Variants in PLXNB2 observed in about 807,000 individuals in gnomAD.
PLXNB2 encodes the protein plexin B2.
In PLXNB2, 85 loss-of-function variants were observed where a neutral mutation model predicts 202.6. That is an observed-to-expected ratio of 0.42 (90% confidence interval 0.35 to 0.50). The LOEUF (loss-of-function observed/expected upper bound fraction) is 0.50, where lower values mean the gene tolerates loss of function less well. PLXNB2 is among the 20% of genes least tolerant of loss of function. The pLI is 0.02. For synonymous variants in PLXNB2, 1,239 were observed against 1,137.6 expected, an observed-to-expected ratio of 1.09 and a Z score of -1.79; for missense variants, 2,063 against 2,586.2, an observed-to-expected ratio of 0.80 and a Z score of 4.39.
intron 2 of PLXNB2, among the ~76,000 whole-genome samples, chr22:50,292,337 CAAAAA>C (rs533891085): frequency 9.9e-5 from 7 of 71,018 alleles, no homozygotes; most frequent in South Asian, 5.1e-4. Flanking sequence ...GACTCTGTCT[CAAAAA>C]AAAAAAAAAA....
In PLXNB2 at chr22:50,293,512, C is replaced by T. The variant is rs932492458; in HGVS notation, c.-14+1207G>A. ...GCTGCCCTCCCCTCCCAGCCCCGCT[C>T]ACCCGGCCCAGCTCGCTCACCCGGC... On this transcript the variant is annotated intron_variant, in intron 2 of 36. Transcript: ENST00000359337. Among the ~76,000 whole-genome samples the T allele has an allele frequency of 1.2e-4, 19 of 152,200 alleles. No homozygotes were observed. In the East Asian group the frequency reaches 3.3e-3, roughly 26 times the overall value.
chr22:50,275,673 T>TGA lies in PLXNB2; in HGVS notation c.*30_*31insTC. 1 of 1,458,656 alleles carries TGA rather than the reference T, an allele frequency of 6.9e-7. No homozygotes were observed. The highest frequency in any genetic ancestry group is 9.4e-7 in the Non-Finnish European group (1 of 1,059,268). The allele number at this position is 1,458,656 out of a possible 1,614,324, so 90.4% of individuals were successfully genotyped here. On this transcript the variant is annotated 3_prime_UTR_variant, in exon 37 of 37. Coordinates refer to ENST00000359337, the MANE Select transcript of PLXNB2 (RefSeq NM_012401.4). The stretch of plus-strand genomic sequence containing the variant: ...GGGGCTCTCAGGTACCTCAGGTACC[T>TGA]ATGTCCCAAGGCAGCACTGGAGATT...
intron 2 of PLXNB2, among the ~76,000 whole-genome samples, chr22:50,290,905 G>A (rs1313897952): frequency 6.6e-6 from 1 of 152,176 alleles, no homozygotes; most frequent in Non-Finnish European, 1.5e-5. Flanking sequence ...CCCGAGGCAA[G>A]GAGTTGACGC....
rs1196331225 is a variant in PLXNB2 at position 50,284,942 on chromosome 22, T to A, written c.2089-277A>T. On this transcript the variant is annotated intron_variant, in intron 11 of 36. Transcript: ENST00000359337. The surrounding 1 kb of genome is among the most constrained non-coding windows in gnomAD (Gnocchi z 8.0). Reference sequence around the variant, plus strand: ...AGAACATCGCCCGGCCCACCTGACATCGTGGCCCCCACAGCTCCCTCCTCA... The same window carrying A: ...AGAACATCGCCCGGCCCACCTGACAACGTGGCCCCCACAGCTCCCTCCTCA... 1 of 569,428 alleles carries A rather than the reference T, an allele frequency of 1.8e-6. No individual in the cohort carries two copies. Among genetic ancestry groups the A allele is most frequent in the Non-Finnish European group, 3.4e-6 (1 of 291,708 alleles). The allele number at this position is 569,428 out of a possible 1,614,324, so 35.3% of individuals were successfully genotyped here. A position where few individuals can be genotyped will look rare whatever the true frequency, so the allele number is the denominator to read the frequency against.
chr22:50,280,714 G>GGCCGCC, intron 24 of PLXNB2, 30 bp downstream of exon 24: 1 of 1,528,944 alleles, frequency 6.5e-7, no homozygotes, highest in Non-Finnish European at 8.9e-7. Context: ...CCACCTGTGT[G>GGCCGCC]CCCTCCCGCC....
chr22:50,306,713 AC>A (rs2067896588), intron 1 of PLXNB2, among the ~76,000 whole-genome samples: 1 of 150,448 alleles, frequency 6.6e-6, no homozygotes, highest in Non-Finnish European at 1.5e-5. Context: ...CCTCACCCTC[AC>A]CCTCACCCTC....
At chr22:50,306,301 G>A (rs1265149361) in intron 1 of PLXNB2, among the ~76,000 whole-genome samples, 1 of 152,214 alleles carries the variant, frequency 6.6e-6, no homozygotes, top group Non-Finnish European at 1.5e-5. Flanking sequence ...AGGCCCACCT[G>A]CTTGCTTCTC....
intron 1 of PLXNB2, among the ~76,000 whole-genome samples, chr22:50,303,546 G>A (rs1247144895): frequency 1.3e-5 from 2 of 152,234 alleles, no homozygotes; most frequent in Admixed American, 6.5e-5. Context: ...AGGAGCAGAC[G>A]CCCTTGCCTG....
chr22:50,299,300 T>TGGGGGG (rs1168668072), intron 1 of PLXNB2, among the ~76,000 whole-genome samples: 3 of 64,492 alleles, frequency 4.7e-5, no homozygotes, highest in Admixed American at 1.8e-4. Context: ...CTGCGTGGGG[T>TGGGGGG]GGGGGGGGGG....
rs1315426650 is a variant in PLXNB2, at chr22:50,288,059, T to C, written c.1381-22A>G. 1 of 1,537,658 alleles carries C rather than the reference T, an allele frequency of 6.5e-7. No individual in the cohort carries two copies. Among genetic ancestry groups the C allele is most frequent in the Non-Finnish European group, 8.8e-7 (1 of 1,136,390 alleles). On this transcript the variant is annotated intron_variant, in intron 5 of 36. Transcript: ENST00000359337. The surrounding 1 kb of genome is among the most constrained non-coding windows in gnomAD (Gnocchi z 5.0). ...ACACCTAGGGCAGCGGGGCCGTGAG[T>C]GGGACCACAGCAGAGGCCGCACGGG... is the stretch of plus-strand genomic sequence containing the variant.
chr22:50,284,113 C>G lies in PLXNB2; in HGVS notation c.2263+19G>C. Reference sequence around the variant, plus strand: ...CCACCCGTCCCCTGCCCGCCCCCCACTGCGCCCGTGGCCCCCACCATGGAG... The same window carrying G: ...CCACCCGTCCCCTGCCCGCCCCCCAGTGCGCCCGTGGCCCCCACCATGGAG... On this transcript the variant is annotated intron_variant, in intron 13 of 36. Transcript: ENST00000359337. The surrounding 1 kb of genome is among the most constrained non-coding windows in gnomAD (Gnocchi z 8.0). 1.9e-6 allele frequency: 3 copies of G among 1,608,130 alleles called. No homozygotes were observed. The highest frequency in any genetic ancestry group is 2.5e-6 in the Non-Finnish European group (3 of 1,178,548).
In PLXNB2 at chr22:50,281,407, G is replaced by T; in HGVS notation, c.3615C>A (p.Val1205=). 1 of 1,612,464 alleles carries T rather than the reference G, an allele frequency of 6.2e-7. No individual in the cohort carries two copies. The highest frequency in any genetic ancestry group is 1.3e-5 in the African/African-American group (1 of 75,050). ...DVPLSLILPL[V]IVPMVVVIAV... ...CGATGACGACCACCATGGGCACGAT[G>T]ACCAGCGGCAAGATGAGGCTGAGCG... Residue 1205 remains valine (V), a synonymous_variant, in exon 22 of 37, where the codon GTC becomes GTA. Coordinates refer to ENST00000359337, the MANE Select transcript of PLXNB2 (RefSeq NM_012401.4).
At position 50,281,135 on chromosome 22, in the gene PLXNB2, C is replaced by T; in HGVS notation, c.3717G>A (p.Glu1239=). 1 of 1,613,360 alleles carries T rather than the reference C, an allele frequency of 6.2e-7. No individual in the cohort carries two copies. Among genetic ancestry groups the T allele is most frequent in the Non-Finnish European group, 8.5e-7 (1 of 1,179,930 alleles). ...REYEKIKSQL[E]GLEESVRDRC... is the part of the protein sequence containing the mutation. ...GGTCCCGCACGCTCTCCTCCAGGCC[C>T]TCCAGCTGGGACTTGATCTTCTCAT... The change falls in exon 23 of 37, where the codon GAG becomes GAA. Residue 1239 remains glutamate (E), a synonymous_variant. Coordinates refer to ENST00000359337, the MANE Select transcript of PLXNB2 (RefSeq NM_012401.4).
At chr22:50,280,707 C>T (rs1257089375) in intron 24 of PLXNB2, 37 bp from the exon 25 acceptor site, 27 of 1,581,082 alleles carry the variant, frequency 1.7e-5, no homozygotes, top group Non-Finnish European at 2.2e-5. Context: ...CCCGGCGCCA[C>T]CTGTGTGCCC....
At position 50,297,140 on chromosome 22, in the gene PLXNB2, G is replaced by T. The variant is rs1465665572; in HGVS notation, c.-73-2362C>A. On this transcript the variant is annotated intron_variant, in intron 1 of 36. Transcript: ENST00000359337. The surrounding 1 kb of genome is among the most constrained non-coding windows in gnomAD (Gnocchi z 5.3). ...GGACCCGCGGGGACTGGAGACTGCA[G>T]CTCCCGACGGAGGTGGCAGCCATGG... Among the ~76,000 whole-genome samples, 1 of 152,194 alleles carries T rather than the reference G, an allele frequency of 6.6e-6. No individual in the cohort carries two copies. The highest frequency in any genetic ancestry group is 6.5e-5 in the Admixed American group (1 of 15,288).
At chr22:50,292,153 T>C (rs1601737112) in intron 2 of PLXNB2, among the ~76,000 whole-genome samples, 1 of 152,130 alleles carries the variant, frequency 6.6e-6, no homozygotes, top group East Asian at 1.9e-4. Context: ...CTGGCCAACA[T>C]GGTGAAACCC....
Position 50,289,867 on chromosome 22 carries a change from C to T in PLXNB2, c.718G>A (p.Ala240Thr). Residue 240 changes from alanine (A) to threonine (T), a missense_variant, in exon 3 of 37, where the codon GCC becomes ACC. Physicochemically the swap from Ala to Thr is moderately conservative, Grantham distance 58 (BLOSUM62 0). Transcript: ENST00000359337. The surrounding 1 kb of genome is among the most constrained non-coding windows in gnomAD (Gnocchi z 8.0). ...CGTGCCAGCAGCGTGCGGTTCCGGGCCGGGTGCTTGTCCTGCTGGTTGAAG... is the reference window on the plus strand; with the variant it reads ...CGTGCCAGCAGCGTGCGGTTCCGGGTCGGGTGCTTGTCCTGCTGGTTGAAG... ...FVFNQQDKHP[A>T]RNRTLLARMC... 6.2e-7 allele frequency: 1 copy of T among 1,613,250 alleles called. No individual in the cohort carries two copies. Among genetic ancestry groups the T allele is most frequent in the African/African-American group, 1.3e-5 (1 of 75,070 alleles).
In PLXNB2 at chr22:50,287,096, G is replaced by A. The variant is rs373451330; in HGVS notation, c.1762+15C>T. 656 of 1,490,044 alleles carry A rather than the reference G, an allele frequency of 4.4e-4. No homozygotes were observed. Among genetic ancestry groups the A allele is most frequent in the Non-Finnish European group, 5.4e-4 (606 of 1,116,234 alleles). The allele number at this position is 1,490,044 out of a possible 1,614,324, so 92.3% of individuals were successfully genotyped here. ...ACCGAGAAGGGCCACCCGGGGGCTC[G>A]GGAAGGGGCCTCACCCTGGCCTGGC... is the stretch of plus-strand genomic sequence containing the variant. On this transcript the variant is annotated intron_variant, in intron 8 of 36. Coordinates refer to ENST00000359337, the MANE Select transcript of PLXNB2 (RefSeq NM_012401.4).
At chr22:50,282,675 G>A in intron 18 of PLXNB2, 36 bp downstream of exon 18, 3 of 1,475,810 alleles carry the variant, frequency 2.0e-6, no homozygotes, top group Non-Finnish European at 2.8e-6. Context: ...AGCTGGGTGT[G>A]GGGAGCAGAG....
Sources: gnomAD v4.1 joint callset for allele counts (sites outside exome capture counted in the v4.1 genomes callset) on GRCh38, gnomAD v4.1.1 for gene constraint, Gnocchi (gnomAD v3.1) non-coding constraint, MANE v1.5 for transcripts, NCBI Gene and HGNC (gene_info 2026-07-23, HGNC 2026-07-21) for gene names.